Variants in SEC14L6 observed in about 807,000 individuals in gnomAD.
SEC14L6 encodes the protein SEC14-like protein 6.
Under a neutral mutation model 54.1 loss-of-function variants are expected in SEC14L6, and 40 were observed. The ratio of observed to expected loss-of-function variants is 0.74; its 90% CI spans 0.57 to 0.96. SEC14L6 has a LOEUF of 0.96. Ranked by LOEUF, SEC14L6 falls within the 40% of genes least tolerant of loss-of-function variation. SEC14L6 has a pLI of 0.00. For missense variants in SEC14L6, 471 were observed against 498.3 expected, an observed-to-expected ratio of 0.95 and a Z score of 0.52; for synonymous variants, 171 against 198.4, an observed-to-expected ratio of 0.86 and a Z score of 1.16.
intron 1 of SEC14L6, among the ~76,000 whole-genome samples, chr22:30,546,196 A>T (rs2085795919): frequency 6.6e-6 from 1 of 151,960 alleles, no homozygotes; most frequent in South Asian, 2.1e-4. Context: ...CAGCCTGACC[A>T]ACGTGGTTAA....
At chr22:30,540,172 A>C (rs117801699) in intron 1 of SEC14L6, among the ~76,000 whole-genome samples, 3,715 of 152,238 alleles carry the variant, frequency 0.024, 70 homozygotes, top group Middle Eastern at 0.078. Flanking sequence ...CCTTAAATGA[A>C]TCCTGACATG....
Position 30,524,926 on chromosome 22 carries a change from G to A in SEC14L6, c.*71C>T. On this transcript the variant is annotated 3_prime_UTR_variant, in exon 12 of 12. Coordinates refer to ENST00000402034, the MANE Select transcript of SEC14L6 (RefSeq NM_001193336.4). ...TTCCTGAGAGGTTGAACAGGGTCTGGCCAGGGAAGGCTGTGAACTCATTGT... is the reference window on the plus strand; with the variant it reads ...TTCCTGAGAGGTTGAACAGGGTCTGACCAGGGAAGGCTGTGAACTCATTGT... The A allele has an allele frequency of 1.2e-6, 1 of 808,678 alleles. No homozygotes were observed. Among genetic ancestry groups the A allele is most frequent in the South Asian group, 1.5e-5 (1 of 68,142 alleles). 50.1% of individuals were successfully genotyped at this position (808,678 alleles called of 1,614,324 possible).
intron 2 of SEC14L6, among the ~76,000 whole-genome samples, chr22:30,536,069 C>A (rs1474988503): frequency 6.6e-6 from 1 of 151,850 alleles, no homozygotes; most frequent in African/African-American, 2.4e-5. Context: ...CCTATGTTGC[C>A]CAGGCTGGTC....
chr22:30,525,257 C>G (rs1232038708), intron 11 of SEC14L6, 93 bp downstream of exon 11: 2 of 1,473,138 alleles, frequency 1.4e-6, no homozygotes, highest in African/African-American at 1.4e-5. Context: ...CCACCAGAAC[C>G]AAGGGCCCTC....
intron 1 of SEC14L6, chr22:30,544,133 C>G: frequency 9.7e-6 from 12 of 1,233,314 alleles, no homozygotes; most frequent in Non-Finnish European, 1.4e-5. Context: ...TTCCTTGTCC[C>G]ACAAGGAGCC....
intron 8 of SEC14L6, among the ~76,000 whole-genome samples, chr22:30,527,165 C>T (rs751921626): frequency 1.3e-4 from 19 of 151,532 alleles, no homozygotes; most frequent in Non-Finnish European, 2.4e-4. Context: ...TATACACACA[C>T]ATATCTATAT....
intron 1 of SEC14L6, among the ~76,000 whole-genome samples, chr22:30,541,532 G>A (rs563207921): frequency 6.6e-6 from 1 of 152,216 alleles, no homozygotes; most frequent in African/African-American, 2.4e-5. Flanking sequence ...GGTGGCACAC[G>A]CCTGTGATCC....
Position 30,524,977 on chromosome 22 carries a change from G to A in SEC14L6, c.*20C>T. The stretch of plus-strand genomic sequence containing the variant: ...GGATTCAGAGATCAAAGAGGAGGGT[G>A]TGGGGACCATGAGGTTCACCTAGAA... On this transcript the variant is annotated 3_prime_UTR_variant, in exon 12 of 12. Transcript: ENST00000402034. 2 of 1,223,346 alleles carry A rather than the reference G, an allele frequency of 1.6e-6. No individual in the cohort carries two copies. Among genetic ancestry groups the A allele is most frequent in the Non-Finnish European group, 2.4e-6 (2 of 848,116 alleles). The allele number at this position is 1,223,346 out of a possible 1,614,324, so 75.8% of individuals were successfully genotyped here.
chr22:30,539,358 C>T (rs1268657367), intron 1 of SEC14L6, among the ~76,000 whole-genome samples: 1 of 152,030 alleles, frequency 6.6e-6, no homozygotes, highest in African/African-American at 2.4e-5. Context: ...GCCTGGGGGA[C>T]AAGAGTGAGA....
rs1453381566 is a variant in SEC14L6 at position 30,543,423 on chromosome 22, G to T, written c.54+3206C>A. On this transcript the variant is annotated intron_variant, in intron 1 of 11. Transcript: ENST00000402034. ...AATTCTACCCCCAGAGACTACAGTTGACCTGGTTGGAGAACGGCAATGTGT... is the reference window on the plus strand; with the variant it reads ...AATTCTACCCCCAGAGACTACAGTTTACCTGGTTGGAGAACGGCAATGTGT... 4 of 1,608,020 alleles carry T rather than the reference G, an allele frequency of 2.5e-6. No homozygotes were observed. The East Asian group carries it at 8.9e-5, about 36-fold the overall frequency.
chr22:30,543,698 G>C, intron 1 of SEC14L6: 1 of 1,609,158 alleles, frequency 6.2e-7, no homozygotes, highest in Non-Finnish European at 8.5e-7. Flanking sequence ...ATTGTGGTGG[G>C]CGTGGTGTGC....
chr22:30,534,294 T>C (rs1937075820), intron 2 of SEC14L6, among the ~76,000 whole-genome samples: 1 of 152,222 alleles, frequency 6.6e-6, no homozygotes, highest in African/African-American at 2.4e-5. Flanking sequence ...GAAAAGTCAT[T>C]GAGACAGCAG....
At chr22:30,538,741 G>A in intron 2 of SEC14L6, 86 bp downstream of exon 2, 1 of 868,892 alleles carries the variant, frequency 1.2e-6, no homozygotes, top group Non-Finnish European at 1.8e-6. Context: ...GCTATGTTTT[G>A]GAGTAATTTG....
Position 30,526,389 on chromosome 22 carries a change from G to A in SEC14L6, c.665-457C>T, listed in dbSNP as rs149410442. On this transcript the variant is annotated intron_variant, in intron 8 of 11. Transcript: ENST00000402034. ...CCCTCAGAATTGCAGGGCCAAGCTC[G>A]GGTCAGTTCCCCACAAGCTGCTCTG... is the stretch of plus-strand genomic sequence containing the variant. Among the ~76,000 whole-genome samples, 12 of 152,312 alleles carry A rather than the reference G, an allele frequency of 7.9e-5. No homozygotes were observed. In the East Asian group the frequency reaches 1.3e-3, roughly 17 times the overall value.
At chr22:30,525,998 G>A in intron 8 of SEC14L6, 66 bp from the exon 9 acceptor site, 1 of 1,538,354 alleles carries the variant, frequency 6.5e-7, no homozygotes, top group Non-Finnish European at 8.8e-7. Flanking sequence ...AGAGGGGGCT[G>A]AGCCCAGGTC....
At chr22:30,530,182 T>G (rs1396993517) in intron 6 of SEC14L6, among the ~76,000 whole-genome samples, 3 of 151,522 alleles carry the variant, frequency 2.0e-5, no homozygotes, top group African/African-American at 7.3e-5. Flanking sequence ...GAGGCCAAAG[T>G]GGGAGGATCA....
chr22:30,532,449 G>T, intron 5 of SEC14L6, 76 bp downstream of exon 5: 1 of 1,423,874 alleles, frequency 7.0e-7, no homozygotes, highest in Non-Finnish European at 9.4e-7. Context: ...GCCCAGGAAG[G>T]CAGATTCTGG....
Position 30,546,702 on chromosome 22 carries a change from A to T in SEC14L6, c.-20T>A, listed in dbSNP as rs1487864961. 1.9e-6 allele frequency: 3 copies of T among 1,549,558 alleles called. No individual in the cohort carries two copies. Among genetic ancestry groups the T allele is most frequent in the Non-Finnish European group, 1.7e-6 (2 of 1,146,198 alleles). ...ACTCATGCTGCCCATGAATGGGTCC[A>T]GGCTCCACTCTGTGGCTCCCTCCAG... On this transcript the variant is annotated 5_prime_UTR_variant, in exon 1 of 12. Transcript: ENST00000402034.
chr22:30,541,008 G>A (rs1419154414), intron 1 of SEC14L6, among the ~76,000 whole-genome samples: 2 of 127,226 alleles, frequency 1.6e-5, no homozygotes, highest in Non-Finnish European at 3.2e-5. Flanking sequence ...AACAGGGTGA[G>A]ACTACATCTC....
Sources: allele counts gnomAD v4.1 joint callset (sites outside exome capture counted in the v4.1 genomes callset), GRCh38; gene constraint gnomAD v4.1.1; transcripts MANE v1.5; gene names NCBI Gene and HGNC (gene_info 2026-07-23, HGNC 2026-07-21).